DNAH8: variants seen among roughly 807,000 people sequenced by gnomAD.
The protein encoded by DNAH8 is axonemal beta dynein heavy chain 8.
In DNAH8, 382 loss-of-function variants were observed where a neutral mutation model predicts 562.1. The observed-to-expected ratio is 0.68, with a 90% confidence interval of 0.63 to 0.74. DNAH8 has a LOEUF of 0.74. Among genes scored for constraint, DNAH8 ranks in the 30% least tolerant of loss-of-function variants. The probability of loss-of-function intolerance (pLI) is 0.00; values close to 1 mark genes in which losing one functional copy is unlikely to be tolerated. For synonymous variants in DNAH8, 1,881 were observed against 1,919.4 expected, an observed-to-expected ratio of 0.98 and a Z score of 0.52; for missense variants, 5,203 against 5,620.4, an observed-to-expected ratio of 0.93 and a Z score of 2.37.
intron 29 of DNAH8, among the ~76,000 whole-genome samples, chr6:38,827,284 C>A (rs1335626029): frequency 6.6e-6 from 1 of 152,150 alleles, no homozygotes; most frequent in Non-Finnish European, 1.5e-5. Flanking sequence ...TCTGCAAAGT[C>A]CCTTTTACCA....
intron 42 of DNAH8, among the ~76,000 whole-genome samples, chr6:38,859,915 C>A (rs1242993633): frequency 6.8e-6 from 1 of 147,260 alleles, no homozygotes; most frequent in African/African-American, 2.5e-5. Context: ...GCCCTGTGAA[C>A]CCTCAACTCT....
rs752205058 is a variant in DNAH8 at position 38,872,523 on chromosome 6, G to C, written c.6991-13G>C. On this transcript the variant is annotated splice_polypyrimidine_tract_variant and intron_variant, in intron 49 of 92. Transcript: ENST00000327475. Reference sequence around the variant, plus strand: ...ATAAATTACATATTTTAATTTACTGGTTAATTGTGTAGTTATATGAGACGT... The same window carrying C: ...ATAAATTACATATTTTAATTTACTGCTTAATTGTGTAGTTATATGAGACGT... The C allele has an allele frequency of 1.1e-5, 18 of 1,609,604 alleles. No individual in the cohort carries two copies. The East Asian group carries it at 3.8e-4, about 34-fold the overall frequency.
chr6:38,958,794 A>G (rs1248190078), intron 82 of DNAH8, among the ~76,000 whole-genome samples: 1 of 152,144 alleles, frequency 6.6e-6, no homozygotes, highest in African/African-American at 2.4e-5. Flanking sequence ...TCATTCTATG[A>G]GACTAGCATT....
intron 82 of DNAH8, among the ~76,000 whole-genome samples, chr6:38,957,857 T>A: frequency 1.0e-5 from 1 of 98,904 alleles, no homozygotes; most frequent in African/African-American, 4.3e-5. Context: ...GAGCAATAAA[T>A]GCCTACACCA....
intron 83 of DNAH8, 61 bp downstream of exon 83, chr6:38,971,726 T>C (rs745398435): frequency 4.6e-6 from 6 of 1,296,690 alleles, no homozygotes; most frequent in Admixed American, 2.2e-5. Flanking sequence ...CAATCATGGA[T>C]GTTACCACAT....
intron 9 of DNAH8, among the ~76,000 whole-genome samples, chr6:38,753,120 T>G (rs905781750): frequency 3.9e-5 from 6 of 152,154 alleles, no homozygotes. Context: ...TTCTTAAACT[T>G]CATTCTTCTC....
chr6:38,852,855 G>A, intron 40 of DNAH8, 57 bp downstream of exon 40: 1 of 1,316,974 alleles, frequency 7.6e-7, no homozygotes, highest in South Asian at 1.2e-5. Context: ...CTTAGGTTGA[G>A]GAGAATACAG....
chr6:38,971,727 G>C (rs1763370101), intron 83 of DNAH8, 62 bp downstream of exon 83: 1 of 1,291,668 alleles, frequency 7.7e-7, no homozygotes, highest in African/African-American at 1.5e-5. Flanking sequence ...AATCATGGAT[G>C]TTACCACATT....
At chr6:38,846,749 T>C (rs1251404219) in intron 36 of DNAH8, among the ~76,000 whole-genome samples, 1 of 152,218 alleles carries the variant, frequency 6.6e-6, no homozygotes, top group Non-Finnish European at 1.5e-5. Context: ...TCCTGGATGA[T>C]GACCTCTTGA....
At chr6:38,928,550 G>T (rs1401493470) in intron 74 of DNAH8, among the ~76,000 whole-genome samples, 1 of 151,954 alleles carries the variant, frequency 6.6e-6, no homozygotes, top group East Asian at 1.9e-4. Flanking sequence ...TTTTTTTTTA[G>T]TTATTTCCTT....
chr6:38,878,539 A>C (rs896080785), intron 53 of DNAH8, among the ~76,000 whole-genome samples: 12 of 152,196 alleles, frequency 7.9e-5, no homozygotes, highest in Admixed American at 1.3e-4. Context: ...AAAAAGATGG[A>C]TCTGAAAAGA....
intron 26 of DNAH8, among the ~76,000 whole-genome samples, chr6:38,816,847 C>CT (rs746234032): frequency 3.3e-5 from 5 of 152,002 alleles, no homozygotes; most frequent in Admixed American, 2.0e-4. Flanking sequence ...TGATGTTGAG[C>CT]TTTTTTTTAT....
At chr6:38,999,861 A>G (rs1165553948) in intron 88 of DNAH8, among the ~76,000 whole-genome samples, 1 of 151,678 alleles carries the variant, frequency 6.6e-6, no homozygotes, top group Non-Finnish European at 1.5e-5. Context: ...ATAATTAGAA[A>G]TGAATGTTCC....
At chr6:38,794,867 A>AT (rs1223010809) in intron 21 of DNAH8, among the ~76,000 whole-genome samples, 1 of 20,482 alleles carries the variant, frequency 4.9e-5, no homozygotes, top group Non-Finnish European at 1.0e-4. Flanking sequence ...AATTCTTGTA[A>AT]ATTTTTTTTT....
chr6:38,899,819 T>TG lies in DNAH8; in HGVS notation c.9110dup (p.Val3038CysfsTer34), dbSNP rs774210757. ...ACGTCGTGTGGAAATGCATTGCTGG[T>TG]GGGTGTTGGTGGTTCCGGAAAACAA... is the stretch of plus-strand genomic sequence containing the variant. On this transcript the variant is annotated frameshift_variant, in exon 62 of 93. Coordinates refer to ENST00000327475, the MANE Select transcript of DNAH8 (RefSeq NM_001206927.2). LOFTEE classifies it high-confidence loss of function. 1 of 1,613,172 alleles carries TG rather than the reference T, an allele frequency of 6.2e-7. No homozygotes were observed. Among genetic ancestry groups the TG allele is most frequent in the Non-Finnish European group, 8.5e-7 (1 of 1,179,648 alleles).
In DNAH8 at chr6:38,904,047, G is replaced by A. The variant is rs1247942851; in HGVS notation, c.9195-2207G>A. Among the ~76,000 whole-genome samples, 9 of 152,236 alleles carry A rather than the reference G, an allele frequency of 5.9e-5. No individual in the cohort carries two copies. In the East Asian group the frequency reaches 1.7e-3, roughly 29 times the overall value. ...TTCTATCTCCTTCACTAAGCTGTAA[G>A]CTCCCTGAGAATGGGCCACTGTAAT... On this transcript the variant is annotated intron_variant, in intron 62 of 92. Coordinates refer to ENST00000327475, the MANE Select transcript of DNAH8 (RefSeq NM_001206927.2).
At chr6:38,979,574 G>A (rs1018681439) in intron 85 of DNAH8, among the ~76,000 whole-genome samples, 48 of 152,060 alleles carry the variant, frequency 3.2e-4, no homozygotes, top group African/African-American at 1.1e-3. Flanking sequence ...AAGATTTTGG[G>A]CTTTTTTTCC....
At chr6:38,962,212 TC>T (rs1762652998) in intron 82 of DNAH8, among the ~76,000 whole-genome samples, 1 of 152,068 alleles carries the variant, frequency 6.6e-6, no homozygotes, top group African/African-American at 2.4e-5. Flanking sequence ...TGTCAATATT[TC>T]CTAAATTAAT....
At chr6:38,789,983 C>CTGT in intron 19 of DNAH8, 100 bp downstream of exon 19, 1 of 854,080 alleles carries the variant, frequency 1.2e-6, no homozygotes, top group Non-Finnish European at 1.8e-6. Context: ...TTCTTTAGAC[C>CTGT]CTCCATCTTT....
Sources: allele counts gnomAD v4.1 joint callset (sites outside exome capture counted in the v4.1 genomes callset), GRCh38; gene constraint gnomAD v4.1.1; transcripts MANE v1.5; gene names NCBI Gene and HGNC (gene_info 2026-07-23, HGNC 2026-07-21).